Variants in AGTPBP1 observed in about 807,000 individuals in gnomAD.
The protein encoded by AGTPBP1 is cytosolic carboxypeptidase 1.
Under a neutral mutation model 143.9 loss-of-function variants are expected in AGTPBP1, and 70 were observed. That is an observed-to-expected ratio of 0.49 (90% CI 0.40 to 0.59). The LOEUF is 0.59. AGTPBP1 is among the 20% of genes least tolerant of loss of function. The pLI, the probability that AGTPBP1 is intolerant of heterozygous loss-of-function variation, is 0.00. For synonymous variants in AGTPBP1, 463 were observed against 500.2 expected (o/e 0.93, Z 0.99); for missense variants, 1,229 against 1,464.5 (o/e 0.84, Z 2.62).
the AGTPBP1 span, among the ~76,000 whole-genome samples, chr9:85,800,375 C>T: frequency 0.02 from 3,058 of 152,246 alleles, 96 homozygotes; most frequent in African/African-American, 0.069. Flanking sequence ...GGTGCTGTGA[C>T]ATGGATAGGC....
At chr9:85,601,129 C>T (rs1395165599) in intron 17 of AGTPBP1, among the ~76,000 whole-genome samples, 2 of 152,174 alleles carry the variant, frequency 1.3e-5, no homozygotes, top group East Asian at 3.9e-4. Context: ...GGGGCTGAGG[C>T]ACACATTCCC....
intron 15 of AGTPBP1, among the ~76,000 whole-genome samples, chr9:85,619,946 T>C (rs1830817361): frequency 6.6e-6 from 1 of 152,106 alleles, no homozygotes; most frequent in Admixed American, 6.6e-5. Context: ...GGTTCCTGAG[T>C]TTCTGTTTCT....
At chr9:85,591,823 T>C (rs1411054958) in intron 19 of AGTPBP1, among the ~76,000 whole-genome samples, 1 of 152,162 alleles carries the variant, frequency 6.6e-6, no homozygotes, top group African/African-American at 2.4e-5. Flanking sequence ...ATTAGAGTGT[T>C]CCAATTTCTT....
intron 1 of AGTPBP1, among the ~76,000 whole-genome samples, chr9:85,722,682 T>A (rs978687742): frequency 1.1e-4 from 17 of 152,318 alleles, no homozygotes; most frequent in Non-Finnish European, 1.8e-4. Flanking sequence ...TGTCAACTCA[T>A]CAAACTCATT....
intron 11 of AGTPBP1, among the ~76,000 whole-genome samples, chr9:85,649,897 T>C (rs569584649): frequency 6.6e-6 from 1 of 152,280 alleles, no homozygotes; most frequent in East Asian, 1.9e-4. Context: ...CAAGGTGTCC[T>C]AAACGTAAAC....
chr9:85,746,447 C>G (rs1423791730), upstream of AGTPBP1, among the ~76,000 whole-genome samples: 1 of 152,070 alleles, frequency 6.6e-6, no homozygotes, highest in Non-Finnish European at 1.5e-5. Flanking sequence ...CATAGTGAGA[C>G]CCCCCACATC....
At chr9:85,776,956 A>G in the AGTPBP1 span, among the ~76,000 whole-genome samples, 2 of 152,212 alleles carry the variant, frequency 1.3e-5, no homozygotes, top group Non-Finnish European at 2.9e-5. Context: ...TGCAGAGCAT[A>G]CACGGCCTTC....
intron 23 of AGTPBP1, among the ~76,000 whole-genome samples, chr9:85,581,081 T>G (rs1322848813): frequency 1.3e-5 from 2 of 152,218 alleles, no homozygotes; most frequent in Non-Finnish European, 2.9e-5. Flanking sequence ...CCCCATTTTT[T>G]ATATAATTCT....
chr9:85,678,524 G>C (rs1224560231), intron 4 of AGTPBP1, 126 bp from the exon 5 acceptor site: 4 of 487,350 alleles, frequency 8.2e-6, no homozygotes, highest in Non-Finnish European at 1.4e-5. Context: ...AAGGTATTCA[G>C]GTTTTCACTA....
chr9:85,680,714 T>C (rs770872460), intron 4 of AGTPBP1, among the ~76,000 whole-genome samples: 2 of 152,116 alleles, frequency 1.3e-5, no homozygotes, highest in Non-Finnish European at 2.9e-5. Context: ...TTGAAGAACA[T>C]GAATTCATTT....
intron 4 of AGTPBP1, among the ~76,000 whole-genome samples, chr9:85,678,707 T>C (rs1383168731): frequency 1.3e-5 from 2 of 152,218 alleles, no homozygotes; most frequent in South Asian, 2.1e-4. Flanking sequence ...GGCATTACAA[T>C]GTATGTCTGG....
chr9:85,698,679 C>CT (rs34248388), intron 2 of AGTPBP1, among the ~76,000 whole-genome samples: 5,673 of 76,558 alleles, frequency 0.074, 835 homozygotes, highest in East Asian at 0.25. Flanking sequence ...CCACCTAACC[C>CT]TTTTTTTTTT....
At chr9:85,796,818 G>GCT in the AGTPBP1 span, among the ~76,000 whole-genome samples, 3 of 152,126 alleles carry the variant, frequency 2.0e-5, no homozygotes, top group Non-Finnish European at 4.4e-5. Context: ...ATGGAGTCTT[G>GCT]CTCTGTCAAC....
chr9:85,773,999 C>T, the AGTPBP1 span: 86 of 1,610,362 alleles, frequency 5.3e-5, no homozygotes, highest in Middle Eastern at 4.9e-4. Context: ...AAAAGGAGCA[C>T]GAACAAAAGA....
chr9:85,722,075 C>T (rs1838164712), intron 1 of AGTPBP1, among the ~76,000 whole-genome samples: 1 of 152,136 alleles, frequency 6.6e-6, no homozygotes, highest in Admixed American at 6.5e-5. Context: ...GAGGGTAACC[C>T]GACCTTTCTC....
At chr9:85,618,185 A>G (rs1242255621) in intron 17 of AGTPBP1, among the ~76,000 whole-genome samples, 1 of 151,780 alleles carries the variant, frequency 6.6e-6, no homozygotes, top group Non-Finnish European at 1.5e-5. Flanking sequence ...GTGGGCCACA[A>G]TCACACCACT....
At chr9:85,717,926 G>A (rs1438563561) in intron 1 of AGTPBP1, among the ~76,000 whole-genome samples, 3 of 151,936 alleles carry the variant, frequency 2.0e-5, no homozygotes, top group Non-Finnish European at 4.4e-5. Context: ...AGAACATGCA[G>A]TGTTTGGTTT....
chr9:85,737,064 C>T (rs1823849267), intron 1 of AGTPBP1, among the ~76,000 whole-genome samples: 1 of 152,170 alleles, frequency 6.6e-6, no homozygotes, highest in South Asian at 2.1e-4. Flanking sequence ...AGAGATTGCA[C>T]CACTGCACTC....
chr9:85,662,540 T>C (rs1833908940), intron 8 of AGTPBP1, among the ~76,000 whole-genome samples: 1 of 152,034 alleles, frequency 6.6e-6, no homozygotes, highest in African/African-American at 2.4e-5. Flanking sequence ...AACACAAAAC[T>C]AAATGAATAT....
Sources: gnomAD v4.1 joint callset for allele counts (sites outside exome capture counted in the v4.1 genomes callset) on GRCh38, gnomAD v4.1.1 for gene constraint, MANE v1.5 for transcripts, NCBI Gene and HGNC (gene_info 2026-07-23, HGNC 2026-07-21) for gene names.